Variants in PPA1 observed in about 807,000 individuals in gnomAD.
PPA1 encodes the protein inorganic pyrophosphatase 1.
In PPA1, 23 loss-of-function variants were observed where a neutral mutation model predicts 41.8. The observed-to-expected ratio is 0.55, with a 90% CI of 0.40 to 0.78. The LOEUF is 0.78. Among genes scored for constraint, PPA1 ranks in the 30% least tolerant of loss-of-function variants. The pLI, the probability that PPA1 is intolerant of heterozygous loss-of-function variation, is 0.00. For missense variants in PPA1, 320 were observed against 361.6 expected (o/e 0.89, Z 0.93); for synonymous variants, 101 against 116.8 (o/e 0.86, Z 0.87).
chr10:70,209,891 C>T, intron 6 of PPA1: 1 of 555,096 alleles, frequency 1.8e-6, no homozygotes, highest in African/African-American at 1.9e-5. Flanking sequence ...AAGCCATACA[C>T]ATATACATTG....
At chr10:70,228,547 G>A (rs1451381312) in intron 2 of PPA1, among the ~76,000 whole-genome samples, 1 of 152,078 alleles carries the variant, frequency 6.6e-6, no homozygotes, top group Non-Finnish European at 1.5e-5. Flanking sequence ...GATAATTCAA[G>A]CCAACCCAAT....
intron 9 of PPA1, 123 bp downstream of exon 9, chr10:70,206,141 A>C: frequency 5.4e-6 from 4 of 734,408 alleles, no homozygotes; most frequent in Non-Finnish European, 7.1e-6. Context: ...TCAAGACTCC[A>C]CACAGTAACA....
At chr10:70,217,298 T>C (rs1840091058) in intron 4 of PPA1, among the ~76,000 whole-genome samples, 1 of 152,116 alleles carries the variant, frequency 6.6e-6, no homozygotes, top group Admixed American at 6.5e-5. Context: ...CTATGACAGC[T>C]TGTTGTGTGC....
intron 1 of PPA1, among the ~76,000 whole-genome samples, chr10:70,231,679 A>T (rs983365547): frequency 2.0e-5 from 3 of 152,244 alleles, no homozygotes; most frequent in African/African-American, 4.8e-5. Context: ...TATAAAGCTT[A>T]AAAAAGTTTA....
intron 2 of PPA1, among the ~76,000 whole-genome samples, chr10:70,224,830 A>T (rs1840210451): frequency 6.6e-6 from 1 of 152,132 alleles, no homozygotes; most frequent in African/African-American, 2.4e-5. Context: ...TCCCGGGTTC[A>T]AGCAATTCTC....
At chr10:70,216,600 T>G (rs891490298) in intron 4 of PPA1, among the ~76,000 whole-genome samples, 2 of 152,234 alleles carry the variant, frequency 1.3e-5, no homozygotes, top group East Asian at 3.8e-4. Flanking sequence ...TGTTCTACTA[T>G]CTTATGGGTT....
intron 6 of PPA1, 22 bp from the exon 7 acceptor site, chr10:70,209,707 GA>G (rs780413104): frequency 1.3e-6 from 2 of 1,565,914 alleles, no homozygotes; most frequent in Admixed American, 3.9e-5. Flanking sequence ...AGAAGCATAA[GA>G]TGACAGTGAG....
rs750502063 is a variant in PPA1, at chr10:70,217,849, T to C, written c.260A>G (p.Tyr87Cys). Residue 87 changes from tyrosine to cysteine, a missense_variant, in exon 4 of 11, where the codon TAT becomes TGT. Coordinates refer to ENST00000373232, the MANE Select transcript of PPA1 (RefSeq NM_021129.4). ...ACCATAGTTCCAGATATATCCTTTA[T>C]ACGGGAACAAATTCGCAACATAGCG... Reference protein sequence around the residue: ...KLRYVANLFPYKGYIWNYGAI... With the variant: ...KLRYVANLFPCKGYIWNYGAI... 1 of 1,606,684 alleles carries C rather than the reference T, an allele frequency of 6.2e-7. No individual in the cohort carries two copies. The highest frequency in any genetic ancestry group is 1.1e-5 in the South Asian group (1 of 90,132).
At chr10:70,204,984 C>A (rs1839921696) in intron 9 of PPA1, 69 bp from the exon 10 acceptor site, 1 of 1,240,778 alleles carries the variant, frequency 8.1e-7, no homozygotes. Flanking sequence ...GGTATACTGA[C>A]AAAAATTTAA....
Position 70,233,331 on chromosome 10 carries a change from G to T in PPA1, c.-4C>A. The T allele has an allele frequency of 6.5e-7, 1 of 1,537,630 alleles. No homozygotes were observed. The highest frequency in any genetic ancestry group is 8.7e-7 in the Non-Finnish European group (1 of 1,143,386). Reference sequence around the variant, plus strand: ...CCTCGGTGCTGAAGCCGCTCATAGTGCCGGAGTCCTGCCGCCGCCGCTGCC... The same window carrying T: ...CCTCGGTGCTGAAGCCGCTCATAGTTCCGGAGTCCTGCCGCCGCCGCTGCC... On this transcript the variant is annotated 5_prime_UTR_variant, in exon 1 of 11. Coordinates refer to ENST00000373232, the MANE Select transcript of PPA1 (RefSeq NM_021129.4).
Position 70,218,745 on chromosome 10 carries a change from A to C in PPA1, c.177+19T>G, listed in dbSNP as rs1259851347. 2 of 1,587,192 alleles carry C rather than the reference A, an allele frequency of 1.3e-6. No individual in the cohort carries two copies. Among genetic ancestry groups the C allele is most frequent in the Admixed American group, 3.3e-5 (2 of 59,932 alleles). Reference sequence around the variant, plus strand: ...AACCAATATCCTAAGTCTGACTCAAATGTAAGGTGAAATATTACCTCCATT... The same window carrying C: ...AACCAATATCCTAAGTCTGACTCAACTGTAAGGTGAAATATTACCTCCATT... On this transcript the variant is annotated intron_variant, in intron 3 of 10. Transcript: ENST00000373232.
chr10:70,218,736 C>T, intron 3 of PPA1, 28 bp downstream of exon 3: 1 of 1,566,812 alleles, frequency 6.4e-7, no homozygotes, highest in Non-Finnish European at 8.8e-7. Context: ...TATCCTAAGT[C>T]TGACTCAAAT....
At chr10:70,204,050 T>C (rs1217817129) in intron 10 of PPA1, 3 of 152,378 alleles carry the variant, frequency 2.0e-5, no homozygotes, top group Non-Finnish European at 4.4e-5. Flanking sequence ...GTTAAAAATA[T>C]GTACGTGGCT....
At position 70,202,939 on chromosome 10, in the gene PPA1, T is replaced by C; in HGVS notation, c.*216A>G. On this transcript the variant is annotated 3_prime_UTR_variant, in exon 11 of 11. Coordinates refer to ENST00000373232, the MANE Select transcript of PPA1 (RefSeq NM_021129.4). The stretch of plus-strand genomic sequence containing the variant: ...AGTGACTTCCAAATGACAACTGCTT[T>C]GATATTTAAGCATGTGCTAAAAGTT... 1.8e-6 allele frequency: 1 copy of C among 565,102 alleles called. No homozygotes were observed. Among genetic ancestry groups the C allele is most frequent in the Non-Finnish European group, 3.1e-6 (1 of 323,244 alleles). 35.0% of individuals were successfully genotyped at this position (565,102 alleles called of 1,614,324 possible). A position where few individuals can be genotyped will look rare whatever the true frequency, so the allele number is the denominator to read the frequency against.
rs77239321 is a variant in PPA1 at position 70,216,011 on chromosome 10, G to A, written c.298-1425C>T. On this transcript the variant is annotated intron_variant, in intron 4 of 10. Coordinates refer to ENST00000373232, the MANE Select transcript of PPA1 (RefSeq NM_021129.4). ...TTCTTTTTTCCTCCAACTAGAACAC[G>A]TTACTCAGATTTGTTTGTCTACTCA... Among the ~76,000 whole-genome samples the A allele has an allele frequency of 9.0e-3, 1,365 of 152,222 alleles. 23 individuals carry two copies. The highest frequency in any genetic ancestry group is 0.031 in the African/African-American group (1,307 of 41,530).
intron 6 of PPA1, 131 bp downstream of exon 6, chr10:70,213,332 T>G (rs1024718277): frequency 2.8e-6 from 3 of 1,083,156 alleles, no homozygotes; most frequent in Non-Finnish European, 3.9e-6. Context: ...GAAATAATGC[T>G]TGTCCAGTGC....
chr10:70,209,870 G>T, intron 6 of PPA1, 185 bp from the exon 7 acceptor site: 2 of 649,986 alleles, frequency 3.1e-6, no homozygotes, highest in Non-Finnish European at 5.1e-6. Flanking sequence ...GAAGCCCCTT[G>T]TTGAGAAGAG....
At chr10:70,213,717 A>C in intron 5 of PPA1, 128 bp from the exon 6 acceptor site, 1 of 1,173,592 alleles carries the variant, frequency 8.5e-7, no homozygotes. Context: ...TGTTCCTTTA[A>C]GCAAATTTTA....
chr10:70,216,486 CAAA>C (rs59025870), intron 4 of PPA1, among the ~76,000 whole-genome samples: 5 of 141,056 alleles, frequency 3.5e-5, no homozygotes, highest in Admixed American at 7.1e-5. Context: ...GACTCCGTCT[CAAA>C]AAAAAAAAAA....
Sources: gnomAD v4.1 joint callset for allele counts (sites outside exome capture counted in the v4.1 genomes callset) on GRCh38, gnomAD v4.1.1 for gene constraint, MANE v1.5 for transcripts, NCBI Gene and HGNC (gene_info 2026-07-23, HGNC 2026-07-21) for gene names.